Variants in SLMAP observed in about 807,000 individuals in gnomAD.
SLMAP encodes sarcolemmal membrane-associated protein.
Under a neutral mutation model 128.8 loss-of-function variants are expected in SLMAP, and 44 were observed. The ratio of observed to expected loss-of-function variants is 0.34; its 90% CI spans 0.27 to 0.44. The LOEUF (loss-of-function observed/expected upper bound fraction) is 0.44, where lower values mean the gene tolerates loss of function less well. SLMAP is among the 20% of genes least tolerant of loss of function. The pLI is 1.00. For missense variants in SLMAP, 787 were observed against 985.3 expected (o/e 0.80, Z 2.69); for synonymous variants, 327 against 348.8 (o/e 0.94, Z 0.70).
chr3:57,847,002 G>A (rs542611051), intron 4 of SLMAP, among the ~76,000 whole-genome samples, 195 bp from the exon 5 acceptor site: 4 of 152,260 alleles, frequency 2.6e-5, no homozygotes, highest in African/African-American at 9.6e-5. Flanking sequence ...ATATTGATGT[G>A]TACAAGGTAG....
intron 2 of SLMAP, among the ~76,000 whole-genome samples, chr3:57,779,567 A>G (rs1454683816): frequency 1.3e-5 from 2 of 151,942 alleles, no homozygotes; most frequent in Non-Finnish European, 1.5e-5. Context: ...ACGTACTGAT[A>G]TATCTGTTTT....
intron 2 of SLMAP, among the ~76,000 whole-genome samples, chr3:57,785,118 T>C (rs1030859114): frequency 1.3e-5 from 2 of 152,204 alleles, no homozygotes; most frequent in African/African-American, 2.4e-5. Flanking sequence ...TAGAATAAAA[T>C]GTTTGCAAGA....
At chr3:57,847,970 C>T (rs971257815) in intron 5 of SLMAP, among the ~76,000 whole-genome samples, 1 of 152,112 alleles carries the variant, frequency 6.6e-6, no homozygotes, top group African/African-American at 2.4e-5. Flanking sequence ...AAAGATTATT[C>T]AGAAGTAAAT....
At chr3:57,848,420 TCTTC>T (rs892967736) in intron 5 of SLMAP, among the ~76,000 whole-genome samples, 27 of 151,646 alleles carry the variant, frequency 1.8e-4, no homozygotes, top group East Asian at 1.7e-3. Context: ...CCTTCTTTCT[TCTTC>T]CTTCTTTTTT....
rs1222085653 is a variant in SLMAP, at chr3:57,922,962, T to C, written c.2384T>C (p.Ile795Thr). 1.2e-6 allele frequency: 2 copies of C among 1,613,778 alleles called. No individual in the cohort carries two copies. Among genetic ancestry groups the C allele is most frequent in the Non-Finnish European group, 1.7e-6 (2 of 1,179,926 alleles). ...ATGACTGAGCAGGAAAAGCAGTCAA[T>C]CACAGATGAGCTCAAACAGTGTAAA... ...FEMTEQEKQS[I>T]TDELKQCKNN... The change falls in exon 23 of 25, where the codon ATC becomes ACC. Residue 795 changes from isoleucine (I) to threonine (T), a missense_variant. Ile to Thr is a moderately conservative substitution (Grantham distance 89). Coordinates refer to ENST00000671191, the MANE Select transcript of SLMAP (RefSeq NM_001377540.1).
chr3:57,784,076 A>G (rs1018816484), intron 2 of SLMAP, among the ~76,000 whole-genome samples: 6 of 152,314 alleles, frequency 3.9e-5, no homozygotes, highest in Admixed American at 1.3e-4. Flanking sequence ...AAAGGATGTC[A>G]TGGATAGGCG....
intron 19 of SLMAP, among the ~76,000 whole-genome samples, chr3:57,910,053 A>G (rs1414282904): frequency 2.0e-5 from 3 of 152,128 alleles, no homozygotes; most frequent in African/African-American, 7.2e-5. Context: ...GAGTTCCTAC[A>G]GAGGGCCTTT....
At chr3:57,796,890 A>G (rs577175608) in intron 2 of SLMAP, among the ~76,000 whole-genome samples, 123 of 152,304 alleles carry the variant, frequency 8.1e-4, no homozygotes, top group Non-Finnish European at 1.2e-3. Context: ...TAAAAATTCA[A>G]GGCAAGGGGC....
chr3:57,874,333 TTATTTTGAACTTTTAAGATTTA>T (rs1457011881), intron 14 of SLMAP, among the ~76,000 whole-genome samples: 9 of 152,204 alleles, frequency 5.9e-5, no homozygotes, highest in Admixed American at 4.6e-4. Flanking sequence ...AGAAAGATTT[TTATTTTGAACTTTTAAGATTTA>T]TATTTTGAAC....
rs572858982 is a variant in SLMAP at position 57,873,481 on chromosome 3, C to T, written c.1300+1783C>T. Among the ~76,000 whole-genome samples the T allele has an allele frequency of 2.2e-3, 334 of 151,264 alleles. 2 individuals are homozygous for T. Among genetic ancestry groups the T allele is most frequent in the African/African-American group, 7.7e-3 (319 of 41,178 alleles). On this transcript the variant is annotated intron_variant, in intron 14 of 24. Transcript: ENST00000671191. ...TTGTGCCACTGCACTCCAGCCTAGG[C>T]GACAGAGTGAGACTCCGTCTCAAAA...
At chr3:57,765,480 GCATGTTC>G (rs1425026287) in intron 2 of SLMAP, among the ~76,000 whole-genome samples, 6 of 152,168 alleles carry the variant, frequency 3.9e-5, no homozygotes, top group African/African-American at 1.4e-4. Context: ...GGATGATACG[GCATGTTC>G]CAAGGACATT....
chr3:57,799,786 A>G (rs906200912), intron 2 of SLMAP, among the ~76,000 whole-genome samples: 2 of 152,198 alleles, frequency 1.3e-5, no homozygotes, highest in African/African-American at 2.4e-5. Context: ...ATGCCATAGT[A>G]CAAACATATT....
chr3:57,838,334 G>A (rs1209937679), intron 3 of SLMAP, among the ~76,000 whole-genome samples: 1 of 152,202 alleles, frequency 6.6e-6, no homozygotes, highest in Non-Finnish European at 1.5e-5. Flanking sequence ...TTTTGCCTGG[G>A]AAAGGAGAAA....
chr3:57,833,333 G>A (rs1411287434), intron 3 of SLMAP, among the ~76,000 whole-genome samples: 1 of 152,084 alleles, frequency 6.6e-6, no homozygotes, highest in African/African-American at 2.4e-5. Flanking sequence ...GGGTCTATCT[G>A]TGAGGGATAC....
intron 2 of SLMAP, among the ~76,000 whole-genome samples, chr3:57,794,605 TCAGACCCTGG>T (rs2086290107): frequency 6.6e-6 from 1 of 152,172 alleles, no homozygotes; most frequent in Non-Finnish European, 1.5e-5. Flanking sequence ...TCTCCTCCCT[TCAGACCCTGG>T]CAACCACTAA....
chr3:57,861,796 T>C lies in SLMAP; in HGVS notation c.829-153T>C, dbSNP rs2361351. Reference sequence around the variant, plus strand: ...GTTTTAGTGTGAATTGAAATTCTTATGTTATTTGACTCAGCTTTATTTAAA... The same window carrying C: ...GTTTTAGTGTGAATTGAAATTCTTACGTTATTTGACTCAGCTTTATTTAAA... On this transcript the variant is annotated intron_variant, in intron 9 of 24. Transcript: ENST00000671191. Among the ~76,000 whole-genome samples the C allele has an allele frequency of 0.16, 24,042 of 152,250 alleles. 2,447 individuals are homozygous for C. The highest frequency in any genetic ancestry group is 0.43 in the East Asian group (2,212 of 5,166).
intron 2 of SLMAP, among the ~76,000 whole-genome samples, chr3:57,784,648 T>A (rs2083722887): frequency 6.6e-6 from 1 of 152,198 alleles, no homozygotes; most frequent in African/African-American, 2.4e-5. Context: ...GAGTTAAGAC[T>A]TTAAGATTAT....
At chr3:57,819,439 T>G (rs1224260472) in intron 2 of SLMAP, among the ~76,000 whole-genome samples, 1 of 152,234 alleles carries the variant, frequency 6.6e-6, no homozygotes, top group African/African-American at 2.4e-5. Context: ...ACATTTCCAC[T>G]GAATTTGTTT....
intron 2 of SLMAP, among the ~76,000 whole-genome samples, chr3:57,775,232 T>C (rs542544429): frequency 6.6e-6 from 1 of 151,926 alleles, no homozygotes; most frequent in South Asian, 2.1e-4. Context: ...TTTTTTGTAT[T>C]TTTAGTAGAG....
Sources: gnomAD v4.1 joint callset for allele counts (sites outside exome capture counted in the v4.1 genomes callset) on GRCh38, gnomAD v4.1.1 for gene constraint, MANE v1.5 for transcripts, NCBI Gene and HGNC (gene_info 2026-07-23, HGNC 2026-07-21) for gene names.